The following CSF3R variants were observed in gnomAD, a reference collection of about 807,000 sequenced individuals.
CSF3R encodes colony stimulating factor 3 receptor.
In CSF3R, 52 loss-of-function variants were observed where a neutral mutation model predicts 84.4. The observed-to-expected ratio is 0.62, with a 90% confidence interval of 0.49 to 0.78. The LOEUF is 0.78. CSF3R is among the 30% of genes least tolerant of loss of function. The pLI, the probability that CSF3R is intolerant of heterozygous loss-of-function variation, is 0.00. For missense variants in CSF3R, 890 were observed against 1,055.7 expected, an observed-to-expected ratio of 0.84 and a Z score of 2.17; for synonymous variants, 384 against 429.1, an observed-to-expected ratio of 0.89 and a Z score of 1.30.
rs1386632160 is a variant in CSF3R at position 36,467,847 on chromosome 1, G to T, written c.1839C>A (p.Val613=). 6.2e-7 allele frequency: 1 copy of T among 1,614,254 alleles called. No homozygotes were observed. Among genetic ancestry groups the T allele is most frequent in the South Asian group, 1.1e-5 (1 of 91,086 alleles). ...ASQAGATNST[V]LTLMTLTPEG... ...CTGGGGTCAAGGTCATCAGGGTGAG[G>T]ACTGTACTGTTGGTGGCCCCAGCCT... Residue 613 remains valine (V), a synonymous_variant, in exon 14 of 17, where the codon GTC becomes GTA. Transcript: ENST00000373106. The surrounding 1 kb of genome is among the most constrained non-coding windows in gnomAD (Gnocchi z 4.1).
chr1:36,479,823 C>G (rs551307436), intron 2 of CSF3R, among the ~76,000 whole-genome samples: 1 of 152,282 alleles, frequency 6.6e-6, no homozygotes, highest in Admixed American at 6.5e-5. Context: ...TTCCGCCTTC[C>G]CAGCTATCTA....
intron 5 of CSF3R, 57 bp downstream of exon 5, chr1:36,473,707 C>T (rs1485834575): frequency 2.5e-6 from 4 of 1,613,918 alleles, no homozygotes; most frequent in Non-Finnish European, 3.4e-6. Flanking sequence ...CAGCATCCTA[C>T]CCATGCCCTA....
At chr1:36,478,938 A>G in intron 3 of CSF3R, 1 of 242,632 alleles carries the variant, frequency 4.1e-6, no homozygotes, top group Non-Finnish European at 8.3e-6. Flanking sequence ...TGTCAGAAAA[A>G]GTTTGCCAAC....
At position 36,473,643 on chromosome 1, in the gene CSF3R, G is replaced by C. The variant is rs375835888; in HGVS notation, c.486-21C>G. On this transcript the variant is annotated intron_variant, in intron 5 of 16. Transcript: ENST00000373106. ...GGCTCCTGCCAATAGTCCAGGCTTG[G>C]GTGCCAAGCAGAGGAAGAAAGCGAG... 8.9e-5 allele frequency: 143 copies of C among 1,613,942 alleles called. No individual in the cohort carries two copies. The African/African-American group carries it at 1.8e-3, about 20-fold the overall frequency.
chr1:36,472,710 A>C lies in CSF3R; in HGVS notation c.674-24T>G. The C allele has an allele frequency of 6.4e-7, 1 of 1,562,712 alleles. No individual in the cohort carries two copies. The highest frequency in any genetic ancestry group is 1.2e-5 in the South Asian group (1 of 85,360). ...CACTGCAAGGAGTGGGGCTGTCAGA[A>C]GGTCTCCCTATCCCACCCTAGAGGG... On this transcript the variant is annotated intron_variant, in intron 6 of 16. Coordinates refer to ENST00000373106, the MANE Select transcript of CSF3R (RefSeq NM_000760.4). The surrounding 1 kb of genome is among the most constrained non-coding windows in gnomAD (Gnocchi z 5.0).
In CSF3R at chr1:36,469,256, C is replaced by A; in HGVS notation, c.1476G>T (p.Glu492Asp). ...NGRATGFLLK[E>D]NIRPFQLYEI... ...CATAGAGCTGAAAGGGCCTGATGTT[C>A]TCTGTAGAGAGAAAATGGGGTAGGC... The change falls in exon 12 of 17, where the codon GAG (glutamate) becomes GAT (aspartate). Residue 492 changes from glutamate (E) to aspartate (D), a missense_variant and splice_region_variant. Transcript: ENST00000373106. 1 of 1,613,074 alleles carries A rather than the reference C, an allele frequency of 6.2e-7. No individual in the cohort carries two copies. Among genetic ancestry groups the A allele is most frequent in the Non-Finnish European group, 8.5e-7 (1 of 1,179,070 alleles).
chr1:36,477,307 G>C (rs1277131380), intron 3 of CSF3R: 1 of 152,276 alleles, frequency 6.6e-6, no homozygotes, highest in Non-Finnish European at 1.5e-5. Context: ...CACCCAGGCT[G>C]GAGTGCTGTG....
intron 10 of CSF3R, among the ~76,000 whole-genome samples, chr1:36,470,712 T>C (rs1461232180): frequency 6.6e-6 from 1 of 152,206 alleles, no homozygotes; most frequent in Non-Finnish European, 1.5e-5. Flanking sequence ...TGGTGGCAGC[T>C]GATTTCCTGA....
At position 36,475,524 on chromosome 1, in the gene CSF3R, C is replaced by G. The variant is rs375879178; in HGVS notation, c.214G>C (p.Gly72Arg). Residue 72 changes from glycine to arginine, a missense_variant, in exon 4 of 17, where the codon GGG becomes CGG. Gly to Arg is a moderately radical substitution (Grantham distance 125). Coordinates refer to ENST00000373106, the MANE Select transcript of CSF3R (RefSeq NM_000760.4). ...LWRLGAELQPGGRQQRLSDGT... is the reference protein window; with the variant it reads ...LWRLGAELQPRGRQQRLSDGT... ...TCAGACAGACGCTGCTGCCTGCCCC[C>G]GGGCTGAAGCTCTGCTCCCAGTCTC... 1.9e-6 allele frequency: 3 copies of G among 1,613,992 alleles called. No homozygotes were observed. The highest frequency in any genetic ancestry group is 2.5e-6 in the Non-Finnish European group (3 of 1,179,892).
intron 4 of CSF3R, 26 bp from the exon 5 acceptor site, chr1:36,473,913 G>A: frequency 6.2e-7 from 1 of 1,613,558 alleles, no homozygotes; most frequent in Non-Finnish European, 8.5e-7. Context: ...AAGAGTGTGA[G>A]GGCTTTGGGT....
At chr1:36,474,209 C>G (rs557889356) in intron 4 of CSF3R, among the ~76,000 whole-genome samples, 27 of 152,246 alleles carry the variant, frequency 1.8e-4, no homozygotes, top group African/African-American at 6.3e-4. Context: ...GCCCTGTGAT[C>G]TTGAAGTTAT....
Position 36,468,165 on chromosome 1 carries a change from G to T in CSF3R, c.1633C>A (p.Leu545Met), listed in dbSNP as rs760231922. The change falls in exon 13 of 17, where the codon CTG becomes ATG. Residue 545 changes from leucine to methionine, a missense_variant. Coordinates refer to ENST00000373106, the MANE Select transcript of CSF3R (RefSeq NM_000760.4). ...TCAGGGGGCTCAGGCACCCACTCCA[G>T]CTGTGCCCAGGTCTTGCCAATGTGC... ...LKHIGKTWAQLEWVPEPPELG... is the reference protein window; with the variant it reads ...LKHIGKTWAQMEWVPEPPELG... 1.4e-5 allele frequency: 22 copies of T among 1,612,762 alleles called. No homozygotes were observed. The highest frequency in any genetic ancestry group is 1.7e-5 in the Non-Finnish European group (20 of 1,179,282).
Position 36,471,434 on chromosome 1 carries a change from T to A in CSF3R, c.1284A>T (p.Arg428Ser). 6.2e-7 allele frequency: 1 copy of A among 1,613,934 alleles called. No individual in the cohort carries two copies. The highest frequency in any genetic ancestry group is 8.5e-7 in the Non-Finnish European group (1 of 1,179,848). The change falls in exon 10 of 17, where the codon AGA (arginine) becomes AGT (serine). Residue 428 changes from arginine (R) to serine (S), a missense_variant and splice_region_variant. By Grantham distance (110) the Arg-to-Ser change is moderately radical. Coordinates refer to ENST00000373106, the MANE Select transcript of CSF3R (RefSeq NM_000760.4). ...RPTPVVFSESRGPALTRLHAM... is the reference protein window; with the variant it reads ...RPTPVVFSESSGPALTRLHAM... The stretch of plus-strand genomic sequence containing the variant: ...CTTCTGGCTGCCAGCCCCCTTTACC[T>A]CTGCTTTCTGAGAAGACCACCGGAG...
chr1:36,474,560 C>T (rs970691961), intron 4 of CSF3R, among the ~76,000 whole-genome samples: 2 of 152,066 alleles, frequency 1.3e-5, no homozygotes, highest in African/African-American at 2.4e-5. Flanking sequence ...AATGATCCAC[C>T]TACCTCAGGC....
At position 36,479,488 on chromosome 1, in the gene CSF3R, C is replaced by G. The variant is rs540840798; in HGVS notation, c.9G>C (p.Arg3Ser). The change falls in exon 3 of 17, where the codon AGG becomes AGC. Residue 3 changes from arginine (R) to serine (S), a missense_variant. Arg to Ser is a moderately radical substitution (Grantham distance 110, BLOSUM62 -1). Coordinates refer to ENST00000373106, the MANE Select transcript of CSF3R (RefSeq NM_000760.4). MA[R>S]LGNCSLTWAA... ...CCCAAGTCAGGCTGCAGTTTCCCAG[C>G]CTTGCCATAGCACCAACTTGATGTT... The G allele has an allele frequency of 6.2e-7, 1 of 1,614,220 alleles. No individual in the cohort carries two copies. The highest frequency in any genetic ancestry group is 1.7e-5 in the Admixed American group (1 of 60,032).
At chr1:36,479,245 C>T (rs1409199003) in intron 3 of CSF3R, 188 bp downstream of exon 3, 1 of 690,766 alleles carries the variant, frequency 1.4e-6, no homozygotes, top group Non-Finnish European at 2.6e-6. Context: ...CACCATTCCT[C>T]TTGGGTGGTG....
Position 36,472,711 on chromosome 1 carries a change from G to A in CSF3R, c.674-25C>T. On this transcript the variant is annotated intron_variant, in intron 6 of 16. Transcript: ENST00000373106. The surrounding 1 kb of genome is among the most constrained non-coding windows in gnomAD (Gnocchi z 5.0). Reference sequence around the variant, plus strand: ...ACTGCAAGGAGTGGGGCTGTCAGAAGGTCTCCCTATCCCACCCTAGAGGGC... The same window carrying A: ...ACTGCAAGGAGTGGGGCTGTCAGAAAGTCTCCCTATCCCACCCTAGAGGGC... 1 of 1,562,602 alleles carries A rather than the reference G, an allele frequency of 6.4e-7. No individual in the cohort carries two copies. The highest frequency in any genetic ancestry group is 2.3e-5 in the East Asian group (1 of 43,706).
chr1:36,466,645 T>C lies in CSF3R; in HGVS notation c.2223A>G (p.Gln741=), dbSNP rs756684252. 17 of 1,613,818 alleles carry C rather than the reference T, an allele frequency of 1.1e-5. No individual in the cohort carries two copies. The Admixed American group carries it at 2.7e-4, about 25-fold the overall frequency. ...GDPRAVSTQP[Q]SQSGTSDQVL... is the part of the protein sequence containing the mutation. Reference sequence around the variant, plus strand: ...CCTGATCGCTGGTGCCAGACTGGGATTGGGGCTGGGTGGAAACTGCTCTTG... The same window carrying C: ...CCTGATCGCTGGTGCCAGACTGGGACTGGGGCTGGGTGGAAACTGCTCTTG... Residue 741 remains glutamine (Q), a synonymous_variant, in exon 17 of 17, where the codon CAA becomes CAG. Transcript: ENST00000373106. The surrounding 1 kb of genome is among the most constrained non-coding windows in gnomAD (Gnocchi z 4.6).
chr1:36,469,001 A>T, intron 12 of CSF3R, 155 bp downstream of exon 12: 1 of 666,888 alleles, frequency 1.5e-6, no homozygotes. Flanking sequence ...AGCTGTAGGG[A>T]TCCAGTGTAA....
Sources: gnomAD v4.1 joint callset for allele counts (sites outside exome capture counted in the v4.1 genomes callset) on GRCh38, gnomAD v4.1.1 for gene constraint, Gnocchi (gnomAD v3.1) non-coding constraint, MANE v1.5 for transcripts, NCBI Gene and HGNC (gene_info 2026-07-23, HGNC 2026-07-21) for gene names.